KANSL1: variants seen among roughly 807,000 people sequenced by gnomAD.
The protein encoded by KANSL1 is KAT8 regulatory NSL complex subunit 1, also known as MLL1/MLL complex subunit KANSL1.
In KANSL1, 22 loss-of-function variants were observed where a neutral mutation model predicts 103.6. The ratio of observed to expected loss-of-function variants is 0.21; its 90% CI spans 0.15 to 0.30. The LOEUF (loss-of-function observed/expected upper bound fraction) is 0.30, where lower values mean the gene tolerates loss of function less well. KANSL1 is among the 10% of genes least tolerant of loss of function. The pLI is 1.00. For missense variants in KANSL1, 1,337 were observed against 1,399.8 expected, an observed-to-expected ratio of 0.96 and a Z score of 0.72; for synonymous variants, 600 against 527.6, an observed-to-expected ratio of 1.14 and a Z score of -1.88.
intron 2 of KANSL1, among the ~76,000 whole-genome samples, chr17:46,153,577 A>G (rs1470294959): frequency 3.3e-5 from 5 of 152,246 alleles, no homozygotes; most frequent in African/African-American, 9.6e-5. Context: ...GGAACAGAAC[A>G]CTAGTATAGG....
In KANSL1 at chr17:46,171,448, G is replaced by A. The variant is rs1881194; in HGVS notation, c.696C>T (p.Ser232=). 305,721 of 1,613,058 alleles carry A rather than the reference G, an allele frequency of 0.19. 32,760 individuals carry two copies. Among genetic ancestry groups the A allele is most frequent in the Non-Finnish European group, 0.22 (262,295 of 1,179,234 alleles). The part of the protein sequence containing the change: ...LYSNNSTANK[S]SVNSMEQPAL... The stretch of plus-strand genomic sequence containing the variant: ...CCGGCTGTTCCATGGAATTGACAGA[G>A]GATTTGTTTGCAGTGCTATTATTGC... Residue 232 remains serine (S), a synonymous_variant, in exon 2 of 15, where the codon TCC becomes TCT. Coordinates refer to ENST00000432791, the MANE Select transcript of KANSL1 (RefSeq NM_015443.4).
Position 46,189,906 on chromosome 17 carries a change from CA to C in KANSL1, c.-90+2916del, listed in dbSNP as rs55934305. The stretch of plus-strand genomic sequence containing the variant: ...TGGGCGACAGAACGAGACCCTGCCT[CA>C]AAAAAAAAAAAAAAAAAAATTGCTT... On this transcript the variant is annotated intron_variant, in intron 1 of 14. Transcript: ENST00000432791. Among the ~76,000 whole-genome samples, 1,059 of 112,408 alleles carry C rather than the reference CA, an allele frequency of 9.4e-3. 8 individuals are homozygous for C. The highest frequency in any genetic ancestry group is 0.011 in the Non-Finnish European group (595 of 56,384). The allele number at this position is 112,408 out of a possible 152,430, so 73.7% of individuals were successfully genotyped here. A position where few individuals can be genotyped will look rare whatever the true frequency, so the allele number is the denominator to read the frequency against.
chr17:46,166,172 C>T (rs1196939745), intron 2 of KANSL1, among the ~76,000 whole-genome samples: 1 of 140,824 alleles, frequency 7.1e-6, no homozygotes, highest in African/African-American at 2.5e-5. Flanking sequence ...GAGATCATGC[C>T]ACTGTAACTC....
chr17:46,057,357 A>C lies in KANSL1; in HGVS notation c.1849-6653T>G, dbSNP rs1051934294. ...ATTTTGAAAATTGGTAAATAAAAAA[A>C]AACAACAAATCATGCTTTCTTCTGT... On this transcript the variant is annotated intron_variant, in intron 6 of 14. Transcript: ENST00000432791. 1.2e-4 allele frequency among the ~76,000 whole-genome samples: 19 copies of C among 152,206 alleles called. 1 individual carries two copies. Among genetic ancestry groups the C allele is most frequent in the Admixed American group, 6.5e-5 (1 of 15,272 alleles).
intron 6 of KANSL1, among the ~76,000 whole-genome samples, chr17:46,052,177 C>T (rs574500385): frequency 5.9e-5 from 9 of 152,128 alleles, no homozygotes; most frequent in Admixed American, 4.6e-4. Context: ...TGGTTAGGAT[C>T]CAAAAATTAC....
intron 2 of KANSL1, among the ~76,000 whole-genome samples, chr17:46,123,429 G>C (rs530848322): frequency 3.8e-4 from 58 of 152,332 alleles, no homozygotes; most frequent in Non-Finnish European, 7.5e-4. Context: ...TTAAGCTTCT[G>C]AGAAAGGTAT....
chr17:46,036,175 G>A (rs1048773834), intron 10 of KANSL1, among the ~76,000 whole-genome samples: 2 of 152,216 alleles, frequency 1.3e-5, no homozygotes, highest in Admixed American at 1.3e-4. Context: ...TGAGTAGCTG[G>A]AGCTACAGGC....
chr17:46,071,199 C>T (rs1055309441), intron 4 of KANSL1, among the ~76,000 whole-genome samples: 11 of 152,066 alleles, frequency 7.2e-5, no homozygotes, highest in Admixed American at 3.3e-4. Flanking sequence ...CAACAGGCAA[C>T]ACATTATTAA....
rs768687324 is a variant in KANSL1 at position 46,171,824 on chromosome 17, A to G, written c.320T>C (p.Val107Ala). 1.9e-5 allele frequency: 30 copies of G among 1,614,070 alleles called. No individual in the cohort carries two copies. The highest frequency in any genetic ancestry group is 2.3e-5 in the Non-Finnish European group (27 of 1,180,024). The change falls in exon 2 of 15, where the codon GTC (valine) becomes GCC (alanine). Residue 107 changes from valine to alanine, a missense_variant. Physicochemically the swap from Val to Ala is moderately conservative, Grantham distance 64. Around this residue, in one of 2 missense-constraint regions of KANSL1, gnomAD observed 557 missense variants for 476.4 expected, o/e 1.17. Coordinates refer to ENST00000432791, the MANE Select transcript of KANSL1 (RefSeq NM_015443.4). The part of the protein sequence containing the change: ...KLQGVFSKQT[V>A]LKSHPLLSQS... ...AGATAAGAGAGGATGAGATTTAAGG[A>G]CTGTCTGCTTGCTGAAGACCCCTTG...
At chr17:46,156,206 G>C (rs2045419538) in intron 2 of KANSL1, among the ~76,000 whole-genome samples, 1 of 152,184 alleles carries the variant, frequency 6.6e-6, no homozygotes, top group African/African-American at 2.4e-5. Context: ...AATTAGCCGG[G>C]CATGGTAGTT....
At chr17:46,039,408 C>T in intron 8 of KANSL1, 193 bp from the exon 9 acceptor site, 1 of 609,214 alleles carries the variant, frequency 1.6e-6, no homozygotes, top group South Asian at 2.3e-5. Context: ...ACCAGAGAAA[C>T]ATGTCACCAG....
chr17:46,108,958 C>T (rs941056220), intron 2 of KANSL1, among the ~76,000 whole-genome samples: 12 of 152,136 alleles, frequency 7.9e-5, no homozygotes, highest in African/African-American at 2.9e-4. Context: ...GAGAGCTCTT[C>T]TTTTTTTGGA....
At chr17:46,139,259 C>T (rs2044300153) in intron 2 of KANSL1, among the ~76,000 whole-genome samples, 1 of 150,606 alleles carries the variant, frequency 6.6e-6, no homozygotes, top group African/African-American at 2.5e-5. Context: ...GGGCATTTGA[C>T]CACATTTTGG....
At chr17:46,038,228 A>T in intron 10 of KANSL1, 1 of 341,568 alleles carries the variant, frequency 2.9e-6, no homozygotes, top group Non-Finnish European at 5.3e-6. Flanking sequence ...GTCCTGTGTG[A>T]AACTTAGTCC....
At chr17:46,196,971 C>T (rs533061512), upstream of KANSL1, among the ~76,000 whole-genome samples, 14 of 152,094 alleles carry the variant, frequency 9.2e-5, no homozygotes, top group South Asian at 2.5e-3. Context: ...AAAATTTAGC[C>T]GGGGGTGGTG....
At chr17:46,193,692 G>A, upstream of KANSL1, 1 of 291,430 alleles carries the variant, frequency 3.4e-6, no homozygotes, top group Non-Finnish European at 7.1e-6. Flanking sequence ...TGCGGCGACG[G>A]CACGCAGCAC....
intron 4 of KANSL1, among the ~76,000 whole-genome samples, chr17:46,075,446 T>TGAACCCAAGTGAGGCACCTAGGTTCAA (rs377414315): frequency 6.6e-6 from 1 of 151,958 alleles, no homozygotes; most frequent in Non-Finnish European, 1.5e-5. Context: ...AAGTGATTCT[T>TGAACCCAAGTGAGGCACCTAGGTTCAA]GTGCCTCAGC....
At chr17:46,188,537 G>A (rs1183388533) in intron 1 of KANSL1, among the ~76,000 whole-genome samples, 1 of 152,214 alleles carries the variant, frequency 6.6e-6, no homozygotes, top group African/African-American at 2.4e-5. Context: ...AGTGTTCTTT[G>A]CACTGACACA....
chr17:46,187,478 A>C (rs1415484768), intron 1 of KANSL1, among the ~76,000 whole-genome samples: 1 of 152,222 alleles, frequency 6.6e-6, no homozygotes, highest in African/African-American at 2.4e-5. Flanking sequence ...CATTTAGATA[A>C]AACTGCACTC....
Sources: allele counts gnomAD v4.1 joint callset (sites outside exome capture counted in the v4.1 genomes callset), GRCh38; gene constraint gnomAD v4.1.1; regional missense constraint gnomAD v4.1.1; transcripts MANE v1.5; gene names NCBI Gene and HGNC (gene_info 2026-07-23, HGNC 2026-07-21).